Variants in SLC47A1 observed in about 807,000 individuals in gnomAD.
SLC47A1 encodes the protein solute carrier family 47 member 1.
A neutral mutation model predicts 65.8 loss-of-function variants in SLC47A1; 58 were observed. The observed-to-expected ratio is 0.88, with a 90% confidence interval of 0.71 to 1.10. The LOEUF (loss-of-function observed/expected upper bound fraction) is 1.10. Ranked by LOEUF, SLC47A1 falls within the 50% of genes least tolerant of loss-of-function variation. The pLI, the probability that SLC47A1 is intolerant of heterozygous loss-of-function variation, is 0.00. For missense variants in SLC47A1, 706 were observed against 719.2 expected (o/e 0.98, Z 0.21); for synonymous variants, 285 against 295.0 (o/e 0.97, Z 0.35).
At position 19,546,460 on chromosome 17, in the gene SLC47A1, T is replaced by C. The variant is rs761867938; in HGVS notation, c.263T>C (p.Val88Ala). 4.3e-6 allele frequency: 7 copies of C among 1,613,980 alleles called. No homozygotes were observed. The highest frequency in any genetic ancestry group is 5.9e-6 in the Non-Finnish European group (7 of 1,180,014). The change falls in exon 3 of 17, where the codon GTG (valine) becomes GCG (alanine). Residue 88 changes from valine to alanine, a missense_variant. By Grantham distance (64) the Val-to-Ala change is moderately conservative. Transcript: ENST00000270570. Reference protein sequence around the residue: ...IAVINVTGVSVGFGLSSACDT... With the variant: ...IAVINVTGVSAGFGLSSACDT... ...GTTATCAATGTCACTGGTGTCTCAG[T>C]GGGATTCGGCTTATCTTCTGCCTGT... is the stretch of plus-strand genomic sequence containing the variant.
At chr17:19,568,188 C>CT (rs1567577498) in intron 14 of SLC47A1, 1 of 152,078 alleles carries the variant, frequency 6.6e-6, no homozygotes, top group Non-Finnish European at 1.5e-5. Flanking sequence ...CAACTGATAC[C>CT]TACAGGGAAC....
At chr17:19,553,337 G>A (rs1288551476) in intron 6 of SLC47A1, among the ~76,000 whole-genome samples, 4 of 152,034 alleles carry the variant, frequency 2.6e-5, no homozygotes, top group Admixed American at 6.6e-5. Flanking sequence ...GTTCTCCCAC[G>A]AGCCTGCTCC....
At chr17:19,574,008 C>T (rs568559800) in intron 16 of SLC47A1, among the ~76,000 whole-genome samples, 23 of 151,498 alleles carry the variant, frequency 1.5e-4, no homozygotes, top group South Asian at 1.0e-3. Context: ...CTGCAACCTC[C>T]GCCTCCCGGG....
chr17:19,534,080 T>C lies in SLC47A1; in HGVS notation c.135+6T>C. 1.3e-6 allele frequency: 2 copies of C among 1,527,986 alleles called. No homozygotes were observed. The allele number at this position is 1,527,986 out of a possible 1,614,324, so 94.7% of individuals were successfully genotyped here. A position where few individuals can be genotyped will look rare whatever the true frequency, so the allele number is the denominator to read the frequency against. ...TGGTCCTGGCTGGCCCCGCGGTGAG[T>C]AAGGTGGCCTCAGTGGCAGGCCGGT... On this transcript the variant is annotated splice_donor_region_variant and intron_variant, in intron 1 of 16. Coordinates refer to ENST00000270570, the MANE Select transcript of SLC47A1 (RefSeq NM_018242.3).
chr17:19,555,019 G>A (rs1453388064), intron 6 of SLC47A1, among the ~76,000 whole-genome samples, 193 bp from the exon 7 acceptor site: 5 of 152,102 alleles, frequency 3.3e-5, no homozygotes, highest in African/African-American at 1.2e-4. Context: ...ATACCTCAAA[G>A]AGAGAAGGAA....
intron 15 of SLC47A1, among the ~76,000 whole-genome samples, chr17:19,572,133 A>G (rs1247580759): frequency 6.6e-6 from 1 of 152,160 alleles, no homozygotes; most frequent in Non-Finnish European, 1.5e-5. Flanking sequence ...TGAGTGATGG[A>G]GCGAGACCCT....
At chr17:19,552,035 ACT>A (rs1916465232) in intron 6 of SLC47A1, among the ~76,000 whole-genome samples, 3 of 152,080 alleles carry the variant, frequency 2.0e-5, no homozygotes, top group Non-Finnish European at 1.5e-5. Flanking sequence ...CATATGTGGG[ACT>A]CTCTACATTC....
chr17:19,564,188 A>G lies in SLC47A1; in HGVS notation c.1107-2602A>G, dbSNP rs147823610. The stretch of plus-strand genomic sequence containing the variant: ...GGAAACATGGCGAAACCCCATCTCT[A>G]CAAAAAATAAAATTTAGCTGGGCAT... On this transcript the variant is annotated intron_variant, in intron 12 of 16. Transcript: ENST00000270570. 1.1e-3 allele frequency among the ~76,000 whole-genome samples: 163 copies of G among 152,214 alleles called. No homozygotes were observed. In the East Asian group the frequency reaches 0.03, roughly 28 times the overall value.
intron 3 of SLC47A1, among the ~76,000 whole-genome samples, chr17:19,547,274 G>T (rs1288541496): frequency 6.6e-6 from 1 of 151,418 alleles, no homozygotes; most frequent in Non-Finnish European, 1.5e-5. Flanking sequence ...GAACTCCTGG[G>T]CTCAAGCAAT....
In SLC47A1 at chr17:19,567,138, G is replaced by T. The variant is rs757479810; in HGVS notation, c.1219G>T (p.Val407Phe). 1.2e-6 allele frequency: 2 copies of T among 1,614,212 alleles called. No individual in the cohort carries two copies. Among genetic ancestry groups the T allele is most frequent in the Non-Finnish European group, 1.7e-6 (2 of 1,180,044 alleles). Residue 407 changes from valine to phenylalanine, a missense_variant, in exon 14 of 17, where the codon GTT becomes TTT. Coordinates refer to ENST00000270570, the MANE Select transcript of SLC47A1 (RefSeq NM_018242.3). ...TCTGAGGGGGAGTGGAAATCAGAAGGTTGGAGCCATTGTGAATACCATTGG... is the reference window on the plus strand; with the variant it reads ...TCTGAGGGGGAGTGGAAATCAGAAGTTTGGAGCCATTGTGAATACCATTGG... The part of the protein sequence containing the change: ...GVLRGSGNQK[V>F]GAIVNTIGYY...
intron 2 of SLC47A1, among the ~76,000 whole-genome samples, chr17:19,544,683 C>G (rs559346507): frequency 6.6e-6 from 1 of 152,342 alleles, no homozygotes; most frequent in East Asian, 1.9e-4. Context: ...AGGGTACGGA[C>G]GCAGGCCATG....
chr17:19,571,777 G>C (rs2084401708), intron 15 of SLC47A1, among the ~76,000 whole-genome samples: 1 of 152,166 alleles, frequency 6.6e-6, no homozygotes, highest in Non-Finnish European at 1.5e-5. Flanking sequence ...CAGAAAAACA[G>C]GGGACTCCTT....
intron 10 of SLC47A1, among the ~76,000 whole-genome samples, chr17:19,556,645 G>A (rs1227544839): frequency 3.5e-5 from 5 of 144,382 alleles, no homozygotes; most frequent in African/African-American, 5.2e-5. Context: ...TGCAACCTCC[G>A]CCTCCCGGGT....
intron 6 of SLC47A1, among the ~76,000 whole-genome samples, chr17:19,551,677 A>G (rs1030666480): frequency 6.6e-6 from 1 of 152,196 alleles, no homozygotes; most frequent in East Asian, 1.9e-4. Flanking sequence ...AGAACATATT[A>G]TATTTGGCTC....
chr17:19,560,329 G>A, intron 11 of SLC47A1, 33 bp downstream of exon 11: 1 of 1,607,184 alleles, frequency 6.2e-7, no homozygotes, highest in Middle Eastern at 1.7e-4. Flanking sequence ...GGCTCTTGGT[G>A]CAGTCTCTGC....
chr17:19,577,699 T>G lies in SLC47A1; in HGVS notation c.*146T>G. On this transcript the variant is annotated 3_prime_UTR_variant, in exon 17 of 17. Coordinates refer to ENST00000270570, the MANE Select transcript of SLC47A1 (RefSeq NM_018242.3). Reference sequence around the variant, plus strand: ...CTGGAAATGCAAAGACACATTTTTCTATAAAAAGAAAAAGCAACTAAGGTT... The same window carrying G: ...CTGGAAATGCAAAGACACATTTTTCGATAAAAAGAAAAAGCAACTAAGGTT... The G allele has an allele frequency of 6.9e-7, 1 of 1,448,192 alleles. No individual in the cohort carries two copies. Among genetic ancestry groups the G allele is most frequent in the South Asian group, 1.5e-5 (1 of 67,452 alleles). 89.7% of individuals were successfully genotyped at this position (1,448,192 alleles called of 1,614,324 possible).
chr17:19,556,644 C>T (rs141292237), intron 10 of SLC47A1, among the ~76,000 whole-genome samples: 17 of 149,334 alleles, frequency 1.1e-4, no homozygotes, highest in South Asian at 6.5e-4. Context: ...CTGCAACCTC[C>T]GCCTCCCGGG....
At chr17:19,560,142 C>T in intron 10 of SLC47A1, 46 bp from the exon 11 acceptor site, 3 of 1,411,850 alleles carry the variant, frequency 2.1e-6, no homozygotes, top group Non-Finnish European at 2.0e-6. Flanking sequence ...CGTGTTCTCG[C>T]TCTGCAGTTT....
intron 12 of SLC47A1, among the ~76,000 whole-genome samples, chr17:19,561,567 C>T (rs182759356): frequency 2.3e-4 from 35 of 148,966 alleles, no homozygotes; most frequent in Admixed American, 1.4e-3. Context: ...GGCGTGAACC[C>T]GGGAGGTGGA....
Sources: allele counts gnomAD v4.1 joint callset (sites outside exome capture counted in the v4.1 genomes callset), GRCh38; gene constraint gnomAD v4.1.1; transcripts MANE v1.5; gene names NCBI Gene and HGNC (gene_info 2026-07-23, HGNC 2026-07-21).